The following OSBP2 variants were observed in gnomAD, a reference collection of about 807,000 sequenced individuals.
OSBP2 encodes the protein oxysterol-binding protein 2.
A neutral mutation model predicts 96.0 loss-of-function variants in OSBP2; 66 were observed. The observed-to-expected ratio is 0.69, with a 90% CI of 0.56 to 0.84. The LOEUF (loss-of-function observed/expected upper bound fraction) is 0.84, where lower values mean the gene tolerates loss of function less well. Among genes scored for constraint, OSBP2 ranks in the 40% least tolerant of loss-of-function variants. The pLI is 0.00. For missense variants in OSBP2, 1,038 were observed against 1,222.7 expected (o/e 0.85, Z 2.25); for synonymous variants, 525 against 520.9 (o/e 1.01, Z -0.11).
At chr22:30,897,821 G>A (rs910866198) in intron 12 of OSBP2, among the ~76,000 whole-genome samples, 11 of 152,018 alleles carry the variant, frequency 7.2e-5, no homozygotes, top group South Asian at 2.1e-4. Context: ...GTGGTGGCAC[G>A]CACTTGTAAT....
chr22:30,840,096 T>C (rs1308541384), intron 2 of OSBP2, among the ~76,000 whole-genome samples: 1 of 149,350 alleles, frequency 6.7e-6, no homozygotes, highest in Non-Finnish European at 1.5e-5. Context: ...CATTGGGTGA[T>C]ATACCTAATG....
chr22:30,851,071 T>C (rs1869373788), intron 2 of OSBP2, among the ~76,000 whole-genome samples: 1 of 152,158 alleles, frequency 6.6e-6, no homozygotes, highest in Non-Finnish European at 1.5e-5. Context: ...TTTATTTTAT[T>C]GTTTTTTTGA....
rs555034461 is a variant in OSBP2 at position 30,880,088 on chromosome 22, A to G, written c.1108-7338A>G. On this transcript the variant is annotated intron_variant, in intron 3 of 13. Coordinates refer to ENST00000332585, the MANE Select transcript of OSBP2 (RefSeq NM_030758.4). ...GGTGAGGCCAGCCCGCCACTCCTCAATGGCAGGGGAGGCAAGATCCTGTTA... is the reference window on the plus strand; with the variant it reads ...GGTGAGGCCAGCCCGCCACTCCTCAGTGGCAGGGGAGGCAAGATCCTGTTA... Among the ~76,000 whole-genome samples, 276 of 151,476 alleles carry G rather than the reference A, an allele frequency of 1.8e-3. 2 individuals carry two copies. Among genetic ancestry groups the G allele is most frequent in the Non-Finnish European group, 2.5e-4 (17 of 67,868 alleles).
At chr22:30,835,818 A>G (rs1278574137) in intron 2 of OSBP2, among the ~76,000 whole-genome samples, 3 of 151,416 alleles carry the variant, frequency 2.0e-5, no homozygotes, top group Non-Finnish European at 4.4e-5. Context: ...CCCTATCTCA[A>G]GTGATCCTCC....
chr22:30,718,868 G>A (rs996597244), intron 1 of OSBP2, among the ~76,000 whole-genome samples: 2 of 152,216 alleles, frequency 1.3e-5, no homozygotes, highest in Non-Finnish European at 2.9e-5. Flanking sequence ...AGACTTGGGA[G>A]CCTTGCGGGC....
At chr22:30,886,009 C>T (rs1321019681) in intron 3 of OSBP2, among the ~76,000 whole-genome samples, 1 of 152,224 alleles carries the variant, frequency 6.6e-6, no homozygotes, top group Non-Finnish European at 1.5e-5. Context: ...GCTAGATGGC[C>T]CCCAGGGCCT....
intron 2 of OSBP2, among the ~76,000 whole-genome samples, chr22:30,807,966 T>C (rs991926074): frequency 2.3e-4 from 35 of 151,930 alleles, no homozygotes; most frequent in African/African-American, 8.5e-4. Flanking sequence ...ATTTGTATGT[T>C]TTTTGTTGAG....
chr22:30,888,209 G>C lies in OSBP2; in HGVS notation c.1301-14G>C, dbSNP rs370559918. The C allele has an allele frequency of 8.9e-5, 136 of 1,529,906 alleles. 1 individual carries two copies. The African/African-American group carries it at 1.6e-3, about 18-fold the overall frequency. The allele number at this position is 1,529,906 out of a possible 1,614,324, so 94.8% of individuals were successfully genotyped here. Reference sequence around the variant, plus strand: ...TTGTGAGGTTACAAATTAAAGCTCTGTCTGTGTCTCTAGGAAGCCTCTTGA... The same window carrying C: ...TTGTGAGGTTACAAATTAAAGCTCTCTCTGTGTCTCTAGGAAGCCTCTTGA... On this transcript the variant is annotated splice_polypyrimidine_tract_variant and intron_variant, in intron 4 of 13. Transcript: ENST00000332585.
chr22:30,810,489 A>G (rs903181202), intron 2 of OSBP2, among the ~76,000 whole-genome samples: 3 of 152,156 alleles, frequency 2.0e-5, no homozygotes, highest in Admixed American at 2.0e-4. Context: ...ATGCCTGGAC[A>G]ACCGCACAGG....
At chr22:30,731,467 C>G (rs2145724304) in intron 1 of OSBP2, 1 of 152,676 alleles carries the variant, frequency 6.5e-6, no homozygotes, top group South Asian at 2.1e-4. Flanking sequence ...CTTTTCATAT[C>G]CTATTTTCCA....
At chr22:30,718,286 C>A (rs918582762) in intron 1 of OSBP2, among the ~76,000 whole-genome samples, 6 of 152,170 alleles carry the variant, frequency 3.9e-5, no homozygotes. Context: ...TCAGGGATGG[C>A]AGAAAGAAAC....
chr22:30,890,598 G>A lies in OSBP2; in HGVS notation c.1624-130G>A, dbSNP rs1011159894. On this transcript the variant is annotated intron_variant, in intron 7 of 13. Transcript: ENST00000332585. The surrounding 1 kb of genome is among the most constrained non-coding windows in gnomAD (Gnocchi z 4.4). Reference sequence around the variant, plus strand: ...GCTTGGGGGCCACACTGTTGGACAGGGCCATCTGAGGAGCCTCACTGTGAA... The same window carrying A: ...GCTTGGGGGCCACACTGTTGGACAGAGCCATCTGAGGAGCCTCACTGTGAA... The A allele has an allele frequency of 8.1e-6, 8 of 983,586 alleles. No homozygotes were observed. In the African/African-American group the frequency reaches 9.6e-5, roughly 12 times the overall value. The allele number at this position is 983,586 out of a possible 1,614,324, so 60.9% of individuals were successfully genotyped here.
chr22:30,874,912 A>G (rs1053789037), intron 3 of OSBP2, among the ~76,000 whole-genome samples: 1 of 152,112 alleles, frequency 6.6e-6, no homozygotes, highest in Non-Finnish European at 1.5e-5. Flanking sequence ...GCATACGACC[A>G]CGTGGCACTT....
rs544503255 is a variant in OSBP2 at position 30,868,056 on chromosome 22, T to C, written c.854-2373T>C. Reference sequence around the variant, plus strand: ...CAGGAATTTCCTCACCTCATGGCCCTGGGCAATTTCAATGTACCTTTCCGT... The same window carrying C: ...CAGGAATTTCCTCACCTCATGGCCCCGGGCAATTTCAATGTACCTTTCCGT... On this transcript the variant is annotated intron_variant, in intron 2 of 13. Transcript: ENST00000332585. Among the ~76,000 whole-genome samples the C allele has an allele frequency of 8.5e-5, 13 of 152,386 alleles. No individual in the cohort carries two copies. In the South Asian group the frequency reaches 2.7e-3, roughly 32 times the overall value.
At chr22:30,779,002 C>T (rs1307987750) in intron 2 of OSBP2, among the ~76,000 whole-genome samples, 4 of 150,450 alleles carry the variant, frequency 2.7e-5, no homozygotes, top group African/African-American at 9.8e-5. Context: ...CCCCACTGCA[C>T]TCCAGCCTTG....
chr22:30,876,714 T>A (rs2039588052), intron 3 of OSBP2, among the ~76,000 whole-genome samples: 1 of 152,190 alleles, frequency 6.6e-6, no homozygotes. Context: ...GGAAAGGGGA[T>A]GAGTGTTCCA....
At chr22:30,697,428 G>A (rs190159382) in intron 1 of OSBP2, among the ~76,000 whole-genome samples, 11 of 152,162 alleles carry the variant, frequency 7.2e-5, no homozygotes, top group Admixed American at 3.9e-4. Context: ...ACAGGTGTGC[G>A]CCACCACACA....
intron 2 of OSBP2, among the ~76,000 whole-genome samples, chr22:30,827,823 C>T (rs569918204): frequency 2.0e-5 from 3 of 152,278 alleles, no homozygotes; most frequent in South Asian, 4.1e-4. Flanking sequence ...CCGTGGCCCA[C>T]GGAAGGGTGC....
chr22:30,831,630 G>A (rs2038524086), intron 2 of OSBP2, among the ~76,000 whole-genome samples: 1 of 152,168 alleles, frequency 6.6e-6, no homozygotes, highest in Non-Finnish European at 1.5e-5. Flanking sequence ...TTTCAAGACA[G>A]CTGAGAATTA....
Sources: gnomAD v4.1 joint callset for allele counts (sites outside exome capture counted in the v4.1 genomes callset) on GRCh38, gnomAD v4.1.1 for gene constraint, Gnocchi (gnomAD v3.1) non-coding constraint, MANE v1.5 for transcripts, NCBI Gene and HGNC (gene_info 2026-07-23, HGNC 2026-07-21) for gene names.